The following ZNF385D variants were observed in gnomAD, a reference collection of about 807,000 sequenced individuals.
ZNF385D encodes the protein zinc finger protein 385D.
A neutral mutation model predicts 35.8 loss-of-function variants in ZNF385D; 15 were observed. That is an observed-to-expected ratio of 0.42 (90% CI 0.28 to 0.64). The LOEUF (loss-of-function observed/expected upper bound fraction) is 0.64, where lower values mean the gene tolerates loss of function less well. Among genes scored for constraint, ZNF385D ranks in the 30% least tolerant of loss-of-function variants. ZNF385D has a pLI of 0.23. For missense variants in ZNF385D, 474 were observed against 494.6 expected (o/e 0.96, Z 0.39); for synonymous variants, 212 against 186.8 (o/e 1.13, Z -1.10).
chr3:21,706,628 G>A (rs925413010), intron 1 of ZNF385D, among the ~76,000 whole-genome samples: 1 of 152,078 alleles, frequency 6.6e-6, no homozygotes, highest in African/African-American at 2.4e-5. Flanking sequence ...GGACCAGGAT[G>A]GTTTATTGCC....
chr3:21,770,847 C>T (rs2071043786), intron 3 of ZNF385D, among the ~76,000 whole-genome samples: 2 of 151,972 alleles, frequency 1.3e-5, no homozygotes, highest in Non-Finnish European at 2.9e-5. Flanking sequence ...CCCAAATGTC[C>T]AACAATGATA....
At chr3:21,812,654 G>A (rs1276988544) in intron 3 of ZNF385D, among the ~76,000 whole-genome samples, 1 of 152,228 alleles carries the variant, frequency 6.6e-6, no homozygotes, top group African/African-American at 2.4e-5. Flanking sequence ...GGGGAGGGGA[G>A]TGCGCCATTG....
At chr3:21,919,766 A>G (rs554835383) in intron 3 of ZNF385D, among the ~76,000 whole-genome samples, 4 of 152,352 alleles carry the variant, frequency 2.6e-5, no homozygotes, top group South Asian at 4.1e-4. Context: ...GGACAATGCC[A>G]AATTCAAATA....
chr3:22,211,025 T>C (rs2695645), intron 2 of ZNF385D, among the ~76,000 whole-genome samples: 18,846 of 151,958 alleles, frequency 0.12, 1,511 homozygotes, highest in Middle Eastern at 0.24. Flanking sequence ...TGAGTTGTTC[T>C]CACTTGCTTT....
At chr3:21,869,082 T>C (rs1230670524) in intron 3 of ZNF385D, among the ~76,000 whole-genome samples, 1 of 152,092 alleles carries the variant, frequency 6.6e-6, no homozygotes, top group Non-Finnish European at 1.5e-5. Context: ...GGTTTTCCCT[T>C]CTACAAAAGT....
intron 2 of ZNF385D, among the ~76,000 whole-genome samples, chr3:22,325,682 C>G (rs1339852609): frequency 6.6e-6 from 1 of 152,006 alleles, no homozygotes; most frequent in African/African-American, 2.4e-5. Context: ...TTGGTTGAAC[C>G]CAGGGGCGGA....
chr3:22,029,667 G>T (rs1402375378), intron 3 of ZNF385D, among the ~76,000 whole-genome samples: 2 of 151,926 alleles, frequency 1.3e-5, no homozygotes, highest in Non-Finnish European at 2.9e-5. Context: ...TCTTTATCAC[G>T]TGACATGAGA....
At chr3:21,426,689 G>A (rs1012411043) in intron 5 of ZNF385D, among the ~76,000 whole-genome samples, 7 of 151,880 alleles carry the variant, frequency 4.6e-5, no homozygotes, top group Admixed American at 3.3e-4. Context: ...TTGTACGTTC[G>A]GCAACCATTA....
chr3:22,239,728 A>G (rs375373162), intron 2 of ZNF385D, among the ~76,000 whole-genome samples: 1 of 151,082 alleles, frequency 6.6e-6, no homozygotes, highest in African/African-American at 2.5e-5. Context: ...TGCAAATTCA[A>G]GTATGAATTA....
chr3:21,733,936 T>C (rs1268914698), intron 1 of ZNF385D, among the ~76,000 whole-genome samples: 1 of 152,146 alleles, frequency 6.6e-6, no homozygotes, highest in Non-Finnish European at 1.5e-5. Flanking sequence ...CCTAATATGG[T>C]TTTCATATTT....
chr3:22,214,849 C>T (rs183370587), intron 2 of ZNF385D, among the ~76,000 whole-genome samples: 4 of 152,102 alleles, frequency 2.6e-5, no homozygotes, highest in Admixed American at 6.6e-5. Flanking sequence ...TAATCTCGCC[C>T]TGCCTCCATT....
intron 3 of ZNF385D, among the ~76,000 whole-genome samples, chr3:22,006,788 A>C (rs1048744857): frequency 3.3e-5 from 5 of 152,028 alleles, no homozygotes; most frequent in African/African-American, 1.2e-4. Context: ...TGAGCTTATA[A>C]AGAATAAAAC....
At position 21,602,517 on chromosome 3, in the gene ZNF385D, C is replaced by CTTTTTTTTTT. The variant is rs746138066; in HGVS notation, c.166-37843_166-37834dup. ...TAGGTCTCCTGTTTCCCTGCATTTT[C>CTTTTTTTTTT]TTTTTTTTTTTTTTTTTTTTTTTTT... On this transcript the variant is annotated intron_variant, in intron 2 of 7. Coordinates refer to ENST00000281523, the MANE Select transcript of ZNF385D (RefSeq NM_024697.3). Among the ~76,000 whole-genome samples, 239 of 62,678 alleles carry CTTTTTTTTTT rather than the reference C, an allele frequency of 3.8e-3. 53 individuals carry two copies. The highest frequency in any genetic ancestry group is 0.013 in the African/African-American group (173 of 13,230). The allele number at this position is 62,678 out of a possible 152,430, so 41.1% of individuals were successfully genotyped here.
chr3:21,969,762 G>A (rs532268069), intron 3 of ZNF385D, among the ~76,000 whole-genome samples: 16 of 150,448 alleles, frequency 1.1e-4, no homozygotes, highest in Non-Finnish European at 2.4e-4. Flanking sequence ...TCACTGCTAT[G>A]CTGGCTTTGG....
At chr3:21,775,992 T>C (rs1408924963) in intron 3 of ZNF385D, among the ~76,000 whole-genome samples, 1 of 151,802 alleles carries the variant, frequency 6.6e-6, no homozygotes, top group Non-Finnish European at 1.5e-5. Context: ...TATAGTTTAA[T>C]ATATTGTGAT....
At chr3:21,758,994 A>AC (rs1559593480) in intron 3 of ZNF385D, among the ~76,000 whole-genome samples, 2 of 148,350 alleles carry the variant, frequency 1.3e-5, no homozygotes, top group African/African-American at 5.0e-5. Context: ...AAAAAAAAAA[A>AC]AAAAAAAAAA....
At chr3:21,976,731 G>A (rs556105017) in intron 3 of ZNF385D, among the ~76,000 whole-genome samples, 26 of 152,282 alleles carry the variant, frequency 1.7e-4, no homozygotes, top group Non-Finnish European at 2.9e-4. Context: ...GGTGTCTCAC[G>A]CTTGTAATCT....
At chr3:22,079,263 C>T (rs1007263752) in intron 3 of ZNF385D, among the ~76,000 whole-genome samples, 2 of 125,210 alleles carry the variant, frequency 1.6e-5, no homozygotes, top group Admixed American at 8.3e-5. Flanking sequence ...ACAAACCAAA[C>T]AAATTGATCA....
intron 2 of ZNF385D, among the ~76,000 whole-genome samples, chr3:22,225,956 G>T (rs1287578755): frequency 6.6e-6 from 1 of 152,134 alleles, no homozygotes; most frequent in Non-Finnish European, 1.5e-5. Flanking sequence ...GCACAGGAAG[G>T]TTCTGTAAGC....
Sources: gnomAD v4.1 joint callset for allele counts (sites outside exome capture counted in the v4.1 genomes callset) on GRCh38, gnomAD v4.1.1 for gene constraint, MANE v1.5 for transcripts, NCBI Gene and HGNC (gene_info 2026-07-23, HGNC 2026-07-21) for gene names.